The following TUT7 variants were observed in gnomAD, a reference collection of about 807,000 sequenced individuals.
TUT7 encodes the protein terminal uridylyl transferase 7.
TUT7 carries 33 observed loss-of-function variants against 165.9 expected under a neutral mutation model. The observed-to-expected ratio is 0.20, with a 90% CI of 0.15 to 0.27. The LOEUF (loss-of-function observed/expected upper bound fraction) is 0.27, where lower values mean the gene tolerates loss of function less well. Ranked by LOEUF, TUT7 falls within the 10% of genes least tolerant of loss-of-function variation. The pLI is 1.00. For synonymous variants in TUT7, 552 were observed against 608.1 expected (o/e 0.91, Z 1.36); for missense variants, 1,338 against 1,762.3 (o/e 0.76, Z 4.31).
intron 2 of TUT7, among the ~76,000 whole-genome samples, chr9:86,347,746 T>C (rs1315472335): frequency 6.6e-6 from 1 of 152,124 alleles, no homozygotes; most frequent in African/African-American, 2.4e-5. Context: ...ACAAATAAAA[T>C]ACTAAAAGGT....
rs1428363799 is a variant in TUT7, at chr9:86,352,989, C to G, written c.211G>C (p.Ala71Pro). ...YGNTPRKGPC[A>P]VSSNPYAFKN... ...AATGCATATGGATTGCTGGAAACAG[C>G]ACATGGTCCTTTTCTGGGGGTATTC... Residue 71 changes from alanine to proline, a missense_variant, in exon 2 of 27, where the codon GCT becomes CCT. Physicochemically the swap from Ala to Pro is conservative, Grantham distance 27 (BLOSUM62 -1). Coordinates refer to ENST00000375963, the MANE Select transcript of TUT7 (RefSeq NM_024617.4). 6.2e-7 allele frequency: 1 copy of G among 1,614,062 alleles called. No individual in the cohort carries two copies. The highest frequency in any genetic ancestry group is 8.5e-7 in the Non-Finnish European group (1 of 1,180,036).
intron 22 of TUT7, 53 bp from the exon 23 acceptor site, chr9:86,305,292 A>C: frequency 8.4e-7 from 1 of 1,187,600 alleles, no homozygotes; most frequent in Non-Finnish European, 1.2e-6. Context: ...AAATGCCACC[A>C]TTCATCCAAT....
intron 10 of TUT7, among the ~76,000 whole-genome samples, chr9:86,328,970 C>T (rs966344907): frequency 2.6e-5 from 4 of 152,138 alleles, no homozygotes; most frequent in Non-Finnish European, 5.9e-5. Flanking sequence ...GCATACAGCA[C>T]ATAGTAACTG....
intron 11 of TUT7, among the ~76,000 whole-genome samples, chr9:86,326,875 A>C (rs905945267): frequency 8.5e-5 from 13 of 152,228 alleles, no homozygotes; most frequent in African/African-American, 3.1e-4. Flanking sequence ...CAAATAACAT[A>C]AAAATGTAAA....
Position 86,318,831 on chromosome 9 carries a change from CTG to C in TUT7, c.3216+125_3216+126del, listed in dbSNP as rs1389841964. The C allele has an allele frequency of 1.1e-4, 66 of 591,408 alleles. No homozygotes were observed. The Admixed American group carries it at 1.3e-3, about 11-fold the overall frequency. The allele number at this position is 591,408 out of a possible 1,614,324, so 36.6% of individuals were successfully genotyped here. On this transcript the variant is annotated intron_variant, in intron 16 of 26. Transcript: ENST00000375963. ...GCCTCTTAATGTATTTGGCCAGAGA[CTG>C]TGCCAAACAGCACACTCTATATGGT...
In TUT7 at chr9:86,311,500, T is replaced by C. The variant is rs1483593086; in HGVS notation, c.3275-691A>G. ...GGAATGGAATATGAGGCATAGGAGA[T>C]GGTGGAGAAACTGGGAAAGGTCCAA... is the stretch of plus-strand genomic sequence containing the variant. On this transcript the variant is annotated intron_variant, in intron 17 of 26. Coordinates refer to ENST00000375963, the MANE Select transcript of TUT7 (RefSeq NM_024617.4). This position sits in a 1 kb window ranked among gnomAD's most constrained non-coding sequence, Gnocchi z 4.4. Among the ~76,000 whole-genome samples the C allele has an allele frequency of 6.6e-6, 1 of 152,068 alleles. No individual in the cohort carries two copies. Among genetic ancestry groups the C allele is most frequent in the Non-Finnish European group, 1.5e-5 (1 of 68,002 alleles).
At chr9:86,295,017 C>T (rs1032808865) in intron 26 of TUT7, among the ~76,000 whole-genome samples, 42 of 151,866 alleles carry the variant, frequency 2.8e-4, no homozygotes, top group African/African-American at 9.9e-4. Context: ...AAAATAGGGC[C>T]TAGCTTGTTG....
intron 2 of TUT7, among the ~76,000 whole-genome samples, chr9:86,350,897 C>G (rs1832229390): frequency 6.6e-6 from 1 of 152,034 alleles, no homozygotes; most frequent in Non-Finnish European, 1.5e-5. Context: ...CTTTGGGAAG[C>G]AGAGGCAGGT....
At chr9:86,340,462 C>T (rs700772) in intron 7 of TUT7, among the ~76,000 whole-genome samples, 38,533 of 151,936 alleles carry the variant, frequency 0.25, 6,273 homozygotes, top group Non-Finnish European at 0.35. Context: ...ATGTATTGAT[C>T]GAAGACAAAA....
intron 16 of TUT7, among the ~76,000 whole-genome samples, 172 bp from the exon 17 acceptor site, chr9:86,317,448 C>T (rs1255832013): frequency 2.0e-5 from 3 of 152,132 alleles, no homozygotes; most frequent in Non-Finnish European, 2.9e-5. Flanking sequence ...AATATCCTGA[C>T]GGTACAAAAA....
intron 10 of TUT7, among the ~76,000 whole-genome samples, chr9:86,331,023 G>A (rs899457950): frequency 1.3e-5 from 2 of 151,960 alleles, no homozygotes; most frequent in African/African-American, 4.8e-5. Flanking sequence ...TGGGACTAGG[G>A]TGTGTGCCAC....
intron 10 of TUT7, among the ~76,000 whole-genome samples, chr9:86,336,379 C>CT (rs1241946510): frequency 6.6e-6 from 1 of 152,156 alleles, no homozygotes; most frequent in Non-Finnish European, 1.5e-5. Flanking sequence ...TCTGAATTCT[C>CT]TCAGTACCAC....
chr9:86,303,900 G>A (rs1827196719), intron 24 of TUT7, among the ~76,000 whole-genome samples: 1 of 152,206 alleles, frequency 6.6e-6, no homozygotes, highest in Admixed American at 6.5e-5. Flanking sequence ...TAAATCAGAT[G>A]TACAGATGTA....
intron 2 of TUT7, among the ~76,000 whole-genome samples, chr9:86,348,753 A>C (rs1832003414): frequency 6.6e-6 from 1 of 152,110 alleles, no homozygotes; most frequent in South Asian, 2.1e-4. Context: ...CTCTGTCTAA[A>C]AAACAAACAA....
At chr9:86,347,631 T>C (rs1375914086) in intron 2 of TUT7, among the ~76,000 whole-genome samples, 2 of 151,894 alleles carry the variant, frequency 1.3e-5, no homozygotes, top group African/African-American at 2.4e-5. Context: ...GAGATGACTA[T>C]CTCAAAATTC....
At chr9:86,347,350 A>G (rs11141340) in intron 2 of TUT7, among the ~76,000 whole-genome samples, 28 of 152,348 alleles carry the variant, frequency 1.8e-4, no homozygotes, top group African/African-American at 6.5e-4. Context: ...GGATTAAACC[A>G]TAAAAAATTG....
At chr9:86,304,791 A>C in intron 24 of TUT7, 65 bp downstream of exon 24, 1 of 969,364 alleles carries the variant, frequency 1.0e-6, no homozygotes, top group Admixed American at 2.5e-5. Flanking sequence ...TTACTACTGA[A>C]GTGATGTGTA....
chr9:86,340,966 A>C (rs1587997457), intron 7 of TUT7, 36 bp downstream of exon 7: 1 of 1,517,672 alleles, frequency 6.6e-7, no homozygotes, highest in Non-Finnish European at 9.1e-7. Flanking sequence ...ATTATAGACA[A>C]CATAAAAATT....
chr9:86,332,557 T>C (rs1830418865), intron 10 of TUT7, among the ~76,000 whole-genome samples: 1 of 152,010 alleles, frequency 6.6e-6, no homozygotes, highest in Non-Finnish European at 1.5e-5. Flanking sequence ...AGGTTAAGGG[T>C]AGAAGGAGGG....
Sources: gnomAD v4.1 joint callset for allele counts (sites outside exome capture counted in the v4.1 genomes callset) on GRCh38, gnomAD v4.1.1 for gene constraint, Gnocchi (gnomAD v3.1) non-coding constraint, MANE v1.5 for transcripts, NCBI Gene and HGNC (gene_info 2026-07-23, HGNC 2026-07-21) for gene names.